KAT2B: variants seen among roughly 807,000 people sequenced by gnomAD.
KAT2B encodes the protein histone acetyltransferase KAT2B.
A neutral mutation model predicts 105.9 loss-of-function variants in KAT2B; 36 were observed. The observed-to-expected ratio is 0.34, with a 90% CI of 0.26 to 0.45. The LOEUF (loss-of-function observed/expected upper bound fraction) is 0.45, where lower values mean the gene tolerates loss of function less well. KAT2B is among the 20% of genes least tolerant of loss of function. The pLI is 1.00. For synonymous variants in KAT2B, 397 were observed against 377.9 expected (o/e 1.05, Z -0.59); for missense variants, 820 against 1,021.6 (o/e 0.80, Z 2.69).
At position 20,099,904 on chromosome 3, in the gene KAT2B, G is replaced by A; in HGVS notation, c.619G>A (p.Glu207Lys). 6.2e-7 allele frequency: 1 copy of A among 1,609,546 alleles called. No individual in the cohort carries two copies. Among genetic ancestry groups the A allele is most frequent in the Non-Finnish European group, 8.5e-7 (1 of 1,176,248 alleles). ...SILQRGKPVV[E>K]GSLEKKPPFE... ...TTTACAAAGAGGAAAACCTGTGGTTGAAGGCTCTTTGGAAAAGAAACCCCC... is the reference window on the plus strand; with the variant it reads ...TTTACAAAGAGGAAAACCTGTGGTTAAAGGCTCTTTGGAAAAGAAACCCCC... The change falls in exon 4 of 18, where the codon GAA becomes AAA. Residue 207 changes from glutamate to lysine, a missense_variant. Glu to Lys is a moderately conservative substitution (Grantham distance 56). Coordinates refer to ENST00000263754, the MANE Select transcript of KAT2B (RefSeq NM_003884.5).
In KAT2B at chr3:20,042,188, G is replaced by A. The variant is rs118044954; in HGVS notation, c.303+1408G>A. Among the ~76,000 whole-genome samples the A allele has an allele frequency of 1.6e-3, 247 of 152,334 alleles. 3 individuals carry two copies. In the East Asian group the frequency reaches 0.038, roughly 24 times the overall value. ...CCAAGTGATGCTATGCTAGTCCACAGACCACATTCCAATTCAGACCTGGAC... is the reference window on the plus strand; with the variant it reads ...CCAAGTGATGCTATGCTAGTCCACAAACCACATTCCAATTCAGACCTGGAC... On this transcript the variant is annotated intron_variant, in intron 1 of 17. Coordinates refer to ENST00000263754, the MANE Select transcript of KAT2B (RefSeq NM_003884.5).
At chr3:20,055,754 C>T (rs929233013) in intron 1 of KAT2B, among the ~76,000 whole-genome samples, 4 of 152,152 alleles carry the variant, frequency 2.6e-5, no homozygotes, top group Non-Finnish European at 4.4e-5. Flanking sequence ...TCAACAAATA[C>T]GTATCAAGAC....
intron 1 of KAT2B, among the ~76,000 whole-genome samples, chr3:20,046,671 T>C (rs969438076): frequency 2.0e-5 from 3 of 152,226 alleles, no homozygotes; most frequent in Non-Finnish European, 2.9e-5. Flanking sequence ...CTCTGTTGGC[T>C]AAGGGCTGGT....
At chr3:20,083,018 A>G (rs75119235) in intron 2 of KAT2B, among the ~76,000 whole-genome samples, 2,369 of 152,264 alleles carry the variant, frequency 0.016, 67 homozygotes, top group African/African-American at 0.055. Flanking sequence ...TTAATTTTCA[A>G]AAGATTGGTT....
chr3:20,069,046 T>G (rs1698273208), intron 1 of KAT2B, among the ~76,000 whole-genome samples: 1 of 152,180 alleles, frequency 6.6e-6, no homozygotes, highest in African/African-American at 2.4e-5. Flanking sequence ...TGTTTTCCCT[T>G]TACCATTTTA....
rs569956713 is a variant in KAT2B at position 20,092,696 on chromosome 3, G to A, written c.431-2567G>A. ...TAATGCCCTTTTTGGTCTCTGTATCGTTTTTTGTTGTTGTTGTTGTTTTTG... is the reference window on the plus strand; with the variant it reads ...TAATGCCCTTTTTGGTCTCTGTATCATTTTTTGTTGTTGTTGTTGTTTTTG... On this transcript the variant is annotated intron_variant, in intron 2 of 17. Transcript: ENST00000263754. 8.3e-4 allele frequency among the ~76,000 whole-genome samples: 126 copies of A among 151,172 alleles called. 3 individuals are homozygous for A. The South Asian group carries it at 0.019, about 23-fold the overall frequency.
intron 2 of KAT2B, among the ~76,000 whole-genome samples, chr3:20,090,031 A>C (rs562006082): frequency 6.6e-6 from 1 of 152,076 alleles, no homozygotes; most frequent in East Asian, 1.9e-4. Flanking sequence ...AACGAATGGT[A>C]CTGATCTTTG....
chr3:20,066,883 T>A (rs1698231546), intron 1 of KAT2B, among the ~76,000 whole-genome samples: 1 of 152,206 alleles, frequency 6.6e-6, no homozygotes, highest in African/African-American at 2.4e-5. Flanking sequence ...TAACATTTTT[T>A]AATACGAAGT....
chr3:20,114,443 T>C (rs1207127439), intron 6 of KAT2B, among the ~76,000 whole-genome samples: 1 of 152,132 alleles, frequency 6.6e-6, no homozygotes, highest in Admixed American at 6.6e-5. Context: ...AAAAATAGAA[T>C]ATATAACTCA....
At chr3:20,071,843 C>T (rs958018383) in intron 1 of KAT2B, among the ~76,000 whole-genome samples, 7 of 152,158 alleles carry the variant, frequency 4.6e-5, no homozygotes, top group African/African-American at 1.4e-4. Context: ...GGGTGTGCCC[C>T]GTCTCATCTT....
At chr3:20,076,458 T>C (rs1698420704) in intron 2 of KAT2B, among the ~76,000 whole-genome samples, 1 of 152,244 alleles carries the variant, frequency 6.6e-6, no homozygotes, top group African/African-American at 2.4e-5. Flanking sequence ...TGTTTATTTA[T>C]TGGTCTTAGT....
intron 1 of KAT2B, among the ~76,000 whole-genome samples, chr3:20,049,601 T>C (rs1228606136): frequency 1.3e-5 from 2 of 152,220 alleles, no homozygotes; most frequent in Non-Finnish European, 2.9e-5. Flanking sequence ...CTTGAGAGGA[T>C]TACATTTGTT....
intron 13 of KAT2B, among the ~76,000 whole-genome samples, chr3:20,144,110 C>T (rs1482004417): frequency 1.3e-5 from 2 of 152,090 alleles, no homozygotes; most frequent in African/African-American, 4.8e-5. Flanking sequence ...TTAACAGTCA[C>T]TTCTCAGGAG....
intron 1 of KAT2B, among the ~76,000 whole-genome samples, chr3:20,057,749 G>A (rs1448113202): frequency 1.3e-5 from 2 of 152,158 alleles, no homozygotes; most frequent in Non-Finnish European, 2.9e-5. Context: ...CTCCTGGAGA[G>A]GTCACTCGGA....
intron 5 of KAT2B, among the ~76,000 whole-genome samples, chr3:20,104,889 TG>T (rs1698972185): frequency 1.8e-5 from 2 of 112,382 alleles, no homozygotes; most frequent in South Asian, 3.5e-4. Context: ...GTTGTTTTTT[TG>T]TTTTTTTTTT....
intron 1 of KAT2B, among the ~76,000 whole-genome samples, chr3:20,062,189 A>T (rs376998670): frequency 0.01 from 533 of 52,416 alleles, 35 homozygotes; most frequent in African/African-American, 0.038. Flanking sequence ...ATAATATATA[A>T]AATATATATA....
At chr3:20,055,127 C>T (rs1041731862) in intron 1 of KAT2B, among the ~76,000 whole-genome samples, 3 of 151,942 alleles carry the variant, frequency 2.0e-5, no homozygotes, top group Non-Finnish European at 2.9e-5. Context: ...GTGAGCCAGA[C>T]GTGAGAGTAG....
At chr3:20,055,700 T>C (rs1018237993) in intron 1 of KAT2B, among the ~76,000 whole-genome samples, 2 of 152,150 alleles carry the variant, frequency 1.3e-5, no homozygotes, top group African/African-American at 2.4e-5. Flanking sequence ...TGCCAACATA[T>C]AATTTTTACA....
At chr3:20,148,093 C>T in intron 15 of KAT2B, 94 bp downstream of exon 15, 1 of 1,395,504 alleles carries the variant, frequency 7.2e-7, no homozygotes, top group Non-Finnish European at 1.0e-6. Flanking sequence ...ATTGTAATCA[C>T]TAACACAACA....
Sources: allele counts gnomAD v4.1 joint callset (sites outside exome capture counted in the v4.1 genomes callset), GRCh38; gene constraint gnomAD v4.1.1; transcripts MANE v1.5; gene names NCBI Gene and HGNC (gene_info 2026-07-23, HGNC 2026-07-21).